Variants in KCNIP1 observed in about 807,000 individuals in gnomAD.
The protein encoded by KCNIP1 is A-type potassium channel modulatory protein KCNIP1.
Under a neutral mutation model 33.0 loss-of-function variants are expected in KCNIP1, and 18 were observed. That is an observed-to-expected ratio of 0.55 (90% CI 0.38 to 0.81). The LOEUF (loss-of-function observed/expected upper bound fraction) is 0.81, where lower values mean the gene tolerates loss of function less well. KCNIP1 is among the 30% of genes least tolerant of loss of function. The pLI is 0.00. For synonymous variants in KCNIP1, 93 were observed against 98.3 expected, an observed-to-expected ratio of 0.95 and a Z score of 0.32; for missense variants, 238 against 271.6, an observed-to-expected ratio of 0.88 and a Z score of 0.87.
At chr5:170,588,275 G>A (rs1222922023) in intron 1 of KCNIP1, among the ~76,000 whole-genome samples, 1 of 152,164 alleles carries the variant, frequency 6.6e-6, no homozygotes, top group African/African-American at 2.4e-5. Flanking sequence ...GGCACAGAGA[G>A]GTGCAGTCAG....
intron 1 of KCNIP1, among the ~76,000 whole-genome samples, chr5:170,423,157 C>T (rs1432144875): frequency 6.6e-6 from 1 of 152,190 alleles, no homozygotes; most frequent in Non-Finnish European, 1.5e-5. Context: ...TGCTCTAGTC[C>T]TGACTTTTTA....
chr5:170,662,073 C>T (rs141490065), intron 1 of KCNIP1, among the ~76,000 whole-genome samples: 30 of 152,330 alleles, frequency 2.0e-4, no homozygotes, highest in African/African-American at 5.8e-4. Context: ...CCAGCATTTA[C>T]TGAATGTAGA....
chr5:170,360,866 C>A lies in KCNIP1; in HGVS notation c.88+6902C>A, dbSNP rs57938671. Among the ~76,000 whole-genome samples the A allele has an allele frequency of 5.8e-4, 88 of 152,312 alleles. 1 individual carries two copies. The East Asian group carries it at 0.014, about 24-fold the overall frequency. The stretch of plus-strand genomic sequence containing the variant: ...TGAATAAATAACGACTAAATGCTTT[C>A]CCTGCCGAGCAACATCAGGCCATGT... On this transcript the variant is annotated intron_variant, in intron 1 of 7. Coordinates refer to the KCNIP1 transcript ENST00000377360.
chr5:170,472,675 C>A (rs898700741), intron 1 of KCNIP1, among the ~76,000 whole-genome samples: 1 of 145,944 alleles, frequency 6.9e-6, no homozygotes, highest in Non-Finnish European at 1.5e-5. Context: ...TGAGAACATA[C>A]GACGTTTGGT....
intron 1 of KCNIP1, among the ~76,000 whole-genome samples, chr5:170,484,431 C>A (rs1353869996): frequency 6.6e-6 from 1 of 152,106 alleles, no homozygotes; most frequent in Non-Finnish European, 1.5e-5. Context: ...CAGGTGACTC[C>A]CAGCCAGCAC....
At chr5:170,408,514 G>C (rs765482417) in intron 1 of KCNIP1, among the ~76,000 whole-genome samples, 12 of 152,144 alleles carry the variant, frequency 7.9e-5, no homozygotes, top group Non-Finnish European at 1.8e-4. Context: ...AACTAGGAGG[G>C]GGAAAAACAC....
At chr5:170,442,242 C>T (rs986729640) in intron 1 of KCNIP1, among the ~76,000 whole-genome samples, 15 of 152,108 alleles carry the variant, frequency 9.9e-5, no homozygotes, top group African/African-American at 3.6e-4. Flanking sequence ...TAAGCAGAGG[C>T]CTTTCAGAGA....
At chr5:170,639,829 T>G (rs1161386791) in intron 1 of KCNIP1, among the ~76,000 whole-genome samples, 3 of 152,260 alleles carry the variant, frequency 2.0e-5, no homozygotes, top group Non-Finnish European at 2.9e-5. Flanking sequence ...CAGCTGTGTA[T>G]GATCAACTCC....
At chr5:170,503,380 C>G (rs1489528870), upstream of KCNIP1, among the ~76,000 whole-genome samples, 6 of 125,118 alleles carry the variant, frequency 4.8e-5, no homozygotes, top group East Asian at 2.4e-4. Flanking sequence ...GGCAACAGAG[C>G]GAGACTCCGT....
chr5:170,484,360 C>G (rs1266355473), intron 1 of KCNIP1: 1 of 152,206 alleles, frequency 6.6e-6, no homozygotes, highest in Non-Finnish European at 1.5e-5. Context: ...TGATAATAGA[C>G]CATTTAGAGC....
At chr5:170,668,878 C>T (rs116546196) in intron 1 of KCNIP1, among the ~76,000 whole-genome samples, 5 of 152,316 alleles carry the variant, frequency 3.3e-5, no homozygotes, top group African/African-American at 1.2e-4. Flanking sequence ...TTGGGGTTGC[C>T]ACAATCTCTG....
chr5:170,735,343 A>G (rs945023533), intron 7 of KCNIP1, among the ~76,000 whole-genome samples: 3 of 152,258 alleles, frequency 2.0e-5, no homozygotes, highest in Non-Finnish European at 4.4e-5. Flanking sequence ...TCTCGAATAA[A>G]AATAAAATAA....
At chr5:170,683,953 C>T (rs958896995) in intron 1 of KCNIP1, among the ~76,000 whole-genome samples, 1 of 150,234 alleles carries the variant, frequency 6.7e-6, no homozygotes, top group Non-Finnish European at 1.5e-5. Flanking sequence ...GACAGGGTTT[C>T]ACCATGTTGC....
At position 170,732,334 on chromosome 5, in the gene KCNIP1, A is replaced by T. The variant is rs531352484; in HGVS notation, c.436-466A>T. On this transcript the variant is annotated intron_variant, in intron 5 of 7. Transcript: ENST00000328939. ...GTGGACTTGAGAACTGATCTTTTTA[A>T]TAAGGGCCTCAGTCTGTGGAACTAT... 3.3e-5 allele frequency among the ~76,000 whole-genome samples: 5 copies of T among 152,280 alleles called. 1 individual carries two copies. Among genetic ancestry groups the T allele is most frequent in the Non-Finnish European group, 7.3e-5 (5 of 68,028 alleles).
At chr5:170,527,042 G>C (rs1368552503) in intron 1 of KCNIP1, among the ~76,000 whole-genome samples, 2 of 152,096 alleles carry the variant, frequency 1.3e-5, no homozygotes, top group Non-Finnish European at 2.9e-5. Context: ...GCTTCTTCCT[G>C]TCCTTTGGGA....
intron 1 of KCNIP1, among the ~76,000 whole-genome samples, chr5:170,485,002 G>T (rs1350144481): frequency 2.7e-5 from 4 of 147,060 alleles, no homozygotes; most frequent in East Asian, 4.0e-4. Flanking sequence ...GTGCAGTGGC[G>T]CAATCTCCAC....
chr5:170,571,950 A>G (rs1182143593), intron 1 of KCNIP1, among the ~76,000 whole-genome samples: 2 of 152,202 alleles, frequency 1.3e-5, no homozygotes, highest in Non-Finnish European at 2.9e-5. Context: ...CTCACATTTA[A>G]TAGAGATGTG....
intron 1 of KCNIP1, among the ~76,000 whole-genome samples, chr5:170,457,603 A>G (rs1178447853): frequency 1.3e-5 from 2 of 152,234 alleles, no homozygotes; most frequent in African/African-American, 4.8e-5. Context: ...AACAATCACT[A>G]CAGCTCGGCT....
At chr5:170,510,804 T>G (rs1754905640) in intron 1 of KCNIP1, among the ~76,000 whole-genome samples, 1 of 152,088 alleles carries the variant, frequency 6.6e-6, no homozygotes, top group Non-Finnish European at 1.5e-5. Context: ...AAGCTAGAAG[T>G]AGGATTGCAT....
Sources: gnomAD v4.1 joint callset for allele counts (sites outside exome capture counted in the v4.1 genomes callset) on GRCh38, gnomAD v4.1.1 for gene constraint, MANE v1.5 for transcripts, NCBI Gene and HGNC (gene_info 2026-07-23, HGNC 2026-07-21) for gene names.